Variants in TXNIP observed in about 807,000 individuals in gnomAD.
TXNIP encodes thioredoxin interacting protein.
In TXNIP, 23 loss-of-function variants were observed where a neutral mutation model predicts 43.9. The observed-to-expected ratio is 0.52, with a 90% CI of 0.38 to 0.74. The LOEUF (loss-of-function observed/expected upper bound fraction) is 0.74, where lower values mean the gene tolerates loss of function less well. Among genes scored for constraint, TXNIP ranks in the 30% least tolerant of loss-of-function variants. The pLI is 0.00. For missense variants in TXNIP, 555 were observed against 485.4 expected, an observed-to-expected ratio of 1.14 and a Z score of -1.35; for synonymous variants, 234 against 172.2, an observed-to-expected ratio of 1.36 and a Z score of -2.81.
rs1559264970 is a variant in TXNIP at position 145,993,896 on chromosome 1, G to GA, written c.1141-11dup. 6.2e-7 allele frequency: 1 copy of GA among 1,614,152 alleles called. No homozygotes were observed. Among genetic ancestry groups the GA allele is most frequent in the African/African-American group, 1.3e-5 (1 of 75,044 alleles). ...GGATGCAGGGATCCACCTAAAGAAA[G>GA]AAACAGACTATTTCAGTTCAGGTAA... On this transcript the variant is annotated splice_polypyrimidine_tract_variant and intron_variant, in intron 7 of 7. Coordinates refer to ENST00000582401, the MANE Select transcript of TXNIP (RefSeq NM_006472.6).
intron 3 of TXNIP, 52 bp downstream of exon 3, chr1:145,995,092 G>C (rs1559266664): frequency 9.9e-6 from 16 of 1,613,284 alleles, no homozygotes; most frequent in South Asian, 3.3e-5. Context: ...CAAGACGTCT[G>C]ATTTATCATC....
At chr1:145,993,910 C>T (rs368561512) in intron 7 of TXNIP, 24 bp from the exon 8 acceptor site, 7 of 1,614,176 alleles carry the variant, frequency 4.3e-6, no homozygotes, top group South Asian at 2.2e-5. Flanking sequence ...CAGACTATTT[C>T]AGTTCAGGTA....
chr1:145,994,311 C>T lies in TXNIP; in HGVS notation c.958G>A (p.Val320Ile). The change falls in exon 6 of 8, where the codon GTA becomes ATA. Residue 320 changes from valine (V) to isoleucine (I), a missense_variant. By Grantham distance (29) the Val-to-Ile change is conservative. Coordinates refer to ENST00000582401, the MANE Select transcript of TXNIP (RefSeq NM_006472.6). ...ASRTSSEMSW[V>I]DLNIPDTPEA... ...GGGGTATCAGGGATGTTCAGATCTA[C>T]CCAACTCATCTCAGAGCTGGTTCGG... The T allele has an allele frequency of 6.2e-7, 1 of 1,614,168 alleles. No individual in the cohort carries two copies. Among genetic ancestry groups the T allele is most frequent in the Non-Finnish European group, 8.5e-7 (1 of 1,180,028 alleles).
chr1:145,996,510 T>G lies in TXNIP; in HGVS notation c.-244A>C. 2.5e-6 allele frequency: 1 copy of G among 397,002 alleles called. No individual in the cohort carries two copies. 24.6% of individuals were successfully genotyped at this position (397,002 alleles called of 1,614,324 possible). A position where few individuals can be genotyped will look rare whatever the true frequency, so the allele number is the denominator to read the frequency against. On this transcript the variant is annotated 5_prime_UTR_variant, in exon 1 of 8. Transcript: ENST00000582401. The stretch of plus-strand genomic sequence containing the variant: ...AGCTAATTCAGAGAAAAAGCCTTCT[T>G]TCCCCCAATTGCTGGAGAAAAGATC...
chr1:145,996,323 C>T lies in TXNIP; in HGVS notation c.-57G>A. Reference sequence around the variant, plus strand: ...ATGACGGTGGAAGAAAAAAAAAGCTCCAAATCGAGGAAACCCCTTTGCAAA... The same window carrying T: ...ATGACGGTGGAAGAAAAAAAAAGCTTCAAATCGAGGAAACCCCTTTGCAAA... On this transcript the variant is annotated 5_prime_UTR_variant, in exon 1 of 8. Transcript: ENST00000582401. The T allele has an allele frequency of 6.4e-7, 1 of 1,560,884 alleles. No individual in the cohort carries two copies. Among genetic ancestry groups the T allele is most frequent in the Non-Finnish European group, 8.7e-7 (1 of 1,154,584 alleles).
chr1:145,993,693 G>C lies in TXNIP; in HGVS notation c.*158C>G. 1 of 761,704 alleles carries C rather than the reference G, an allele frequency of 1.3e-6. No individual in the cohort carries two copies. The highest frequency in any genetic ancestry group is 2.1e-6 in the Non-Finnish European group (1 of 477,080). 47.2% of individuals were successfully genotyped at this position (761,704 alleles called of 1,614,324 possible). The stretch of plus-strand genomic sequence containing the variant: ...ATGAGTCCGCATCCTTTAAGGCCCA[G>C]GAGATTGCCTGCTGACCACCTCCTA... On this transcript the variant is annotated 3_prime_UTR_variant, in exon 8 of 8. Transcript: ENST00000582401.
intron 1 of TXNIP, 81 bp from the exon 2 acceptor site, chr1:145,995,557 G>A (rs1426971777): frequency 1.5e-6 from 2 of 1,302,398 alleles, no homozygotes; most frequent in Middle Eastern, 1.8e-4. Flanking sequence ...ATGCTTGGGT[G>A]GCATGCAAGG....
chr1:145,994,823 C>G, intron 4 of TXNIP, 23 bp from the exon 5 acceptor site: 1 of 1,614,110 alleles, frequency 6.2e-7, no homozygotes, highest in Non-Finnish European at 8.5e-7. Context: ...AAGATGAAAA[C>G]TTACTGATAC....
Position 145,994,447 on chromosome 1 carries a change from A to T in TXNIP, c.832-10T>A. ...GAACGCTAACATAGATCTAGAAAGG[A>T]AGATGGCAGTTTATTACACCAGAGG... On this transcript the variant is annotated splice_polypyrimidine_tract_variant and intron_variant, in intron 5 of 7. Transcript: ENST00000582401. The T allele has an allele frequency of 6.2e-7, 1 of 1,613,626 alleles. No individual in the cohort carries two copies. Among genetic ancestry groups the T allele is most frequent in the Non-Finnish European group, 8.5e-7 (1 of 1,179,724 alleles).
rs1559264970 is a variant in TXNIP, at chr1:145,993,896, GA to G, written c.1141-11del. On this transcript the variant is annotated splice_polypyrimidine_tract_variant and intron_variant, in intron 7 of 7. Transcript: ENST00000582401. ...GGATGCAGGGATCCACCTAAAGAAA[GA>G]AACAGACTATTTCAGTTCAGGTAAG... 6.2e-7 allele frequency: 1 copy of G among 1,614,152 alleles called. No homozygotes were observed. The highest frequency in any genetic ancestry group is 8.5e-7 in the Non-Finnish European group (1 of 1,180,020).
Position 145,996,210 on chromosome 1 carries a change from C to CT in TXNIP, c.56dup (p.Val20GlyfsTer18). ...CCACCTTCTCGCCACTGCCGTACACCTTTTCAGGGTCGTTAAAGACCACCT... is the reference window on the plus strand; with the variant it reads ...CCACCTTCTCGCCACTGCCGTACACCTTTTTCAGGGTCGTTAAAGACCACCT... On this transcript the variant is annotated frameshift_variant, in exon 1 of 8. Transcript: ENST00000582401. LOFTEE classifies it high-confidence loss of function. The CT allele has an allele frequency of 6.2e-7, 1 of 1,614,066 alleles. No homozygotes were observed. The highest frequency in any genetic ancestry group is 8.5e-7 in the Non-Finnish European group (1 of 1,179,992).
Position 145,995,168 on chromosome 1 carries a change from C to T in TXNIP, c.447G>A (p.Val149=). 1.2e-6 allele frequency: 2 copies of T among 1,614,112 alleles called. No homozygotes were observed. The highest frequency in any genetic ancestry group is 2.2e-5 in the South Asian group (2 of 91,076). The part of the protein sequence containing the change: ...TKKNFEVVDL[V]DVNTPDLMAP... Reference sequence around the variant, plus strand: ...CCATTAAATCAGGGGTATTGACATCCACCAGATCCACTACTTCAAAGTTTT... The same window carrying T: ...CCATTAAATCAGGGGTATTGACATCTACCAGATCCACTACTTCAAAGTTTT... The change falls in exon 3 of 8, where the codon GTG becomes GTA. Residue 149 remains valine, a synonymous_variant. Transcript: ENST00000582401.
In TXNIP at chr1:145,996,569, G is replaced by C. The variant is rs1052908063; in HGVS notation, c.-303C>G. 6 of 272,446 alleles carry C rather than the reference G, an allele frequency of 2.2e-5. No homozygotes were observed. Among genetic ancestry groups the C allele is most frequent in the African/African-American group, 1.1e-4 (5 of 44,118 alleles). 16.9% of individuals were successfully genotyped at this position (272,446 alleles called of 1,614,324 possible). On this transcript the variant is annotated 5_prime_UTR_variant, in exon 1 of 8. Transcript: ENST00000582401. ...ACAAGCACTCCTTTGGAGAAAAAGA[G>C]GGGTTAGTTTCAAGCAGGAGGCGGA... is the stretch of plus-strand genomic sequence containing the variant.
Position 145,996,105 on chromosome 1 carries a change from C to T in TXNIP, c.162G>A (p.Val54=), listed in dbSNP as rs1553766553. 2 of 1,613,994 alleles carry T rather than the reference C, an allele frequency of 1.2e-6. No individual in the cohort carries two copies. The highest frequency in any genetic ancestry group is 2.7e-5 in the African/African-American group (2 of 74,886). Residue 54 remains valine (V), a synonymous_variant, in exon 1 of 8, where the codon GTG becomes GTA. Coordinates refer to ENST00000582401, the MANE Select transcript of TXNIP (RefSeq NM_006472.6). ...VRILACGVAK[V]LWMQGSQQCK... ...ACTGCTGGGATCCCTGCATCCAAAG[C>T]ACTTTAGCCACTCCGCAAGCCAGGA...
At position 145,994,454 on chromosome 1, in the gene TXNIP, C is replaced by T. The variant is rs782460363; in HGVS notation, c.832-17G>A. ...AACATAGATCTAGAAAGGAAGATGG[C>T]AGTTTATTACACCAGAGGTCTGGAG... is the stretch of plus-strand genomic sequence containing the variant. On this transcript the variant is annotated splice_polypyrimidine_tract_variant and intron_variant, in intron 5 of 7. Transcript: ENST00000582401. 1 of 1,613,396 alleles carries T rather than the reference C, an allele frequency of 6.2e-7. No homozygotes were observed. The highest frequency in any genetic ancestry group is 1.7e-5 in the Admixed American group (1 of 59,974).
Position 145,996,259 on chromosome 1 carries a change from A to G in TXNIP, c.8T>C (p.Met3Thr). MV[M>T]FKKIKSFEVV... ...CTCAAAAGACTTGATCTTCTTGAAC[A>G]TCACCATGATGGAACTGAGTTGGTT... is the stretch of plus-strand genomic sequence containing the variant. The change falls in exon 1 of 8, where the codon ATG becomes ACG. Residue 3 changes from methionine (M) to threonine (T), a missense_variant. By Grantham distance (81) the Met-to-Thr change is moderately conservative. Transcript: ENST00000582401. The G allele has an allele frequency of 6.2e-7, 1 of 1,613,958 alleles. No homozygotes were observed. The highest frequency in any genetic ancestry group is 8.5e-7 in the Non-Finnish European group (1 of 1,179,900).
chr1:145,995,997 C>T lies in TXNIP; in HGVS notation c.250+20G>A, dbSNP rs782265491. The T allele has an allele frequency of 1.9e-6, 3 of 1,610,902 alleles. No homozygotes were observed. Among genetic ancestry groups the T allele is most frequent in the Non-Finnish European group, 8.5e-7 (1 of 1,178,274 alleles). On this transcript the variant is annotated intron_variant, in intron 1 of 7. Transcript: ENST00000582401. ...TCTCTAATCAGCTTTCACCCTCCAA[C>T]AATGAATTGGGCCGCTTACCTGTTG... is the stretch of plus-strand genomic sequence containing the variant.
Position 145,996,248 on chromosome 1 carries a change from T to A in TXNIP, c.19A>T (p.Ile7Phe), listed in dbSNP as rs1351757109. 6 of 1,613,986 alleles carry A rather than the reference T, an allele frequency of 3.7e-6. No homozygotes were observed. The highest frequency in any genetic ancestry group is 5.1e-6 in the Non-Finnish European group (6 of 1,180,000). The stretch of plus-strand genomic sequence containing the variant: ...TTAAAGACCACCTCAAAAGACTTGA[T>A]CTTCTTGAACATCACCATGATGGAA... MVMFKKIKSFEVVFNDP... is the reference protein window; with the variant it reads MVMFKKFKSFEVVFNDP... The change falls in exon 1 of 8, where the codon ATC (isoleucine) becomes TTC (phenylalanine). Residue 7 changes from isoleucine (I) to phenylalanine (F), a missense_variant. By Grantham distance (21) the Ile-to-Phe change is conservative. Coordinates refer to ENST00000582401, the MANE Select transcript of TXNIP (RefSeq NM_006472.6).
chr1:145,995,938 ACAT>A, intron 1 of TXNIP, 76 bp downstream of exon 1: 1 of 1,541,900 alleles, frequency 6.5e-7, no homozygotes, highest in Non-Finnish European at 8.8e-7. Context: ...GCAACTTAAA[ACAT>A]TTCGTACAGG....
Sources: allele counts gnomAD v4.1 joint callset, GRCh38; gene constraint gnomAD v4.1.1; transcripts MANE v1.5; gene names NCBI Gene and HGNC (gene_info 2026-07-23, HGNC 2026-07-21).